The following ZNF438 variants were observed in gnomAD, a reference collection of about 807,000 sequenced individuals.
ZNF438 encodes the protein zinc finger protein 438.
Under a neutral mutation model 38.0 loss-of-function variants are expected in ZNF438, and 25 were observed. The observed-to-expected ratio is 0.66, with a 90% confidence interval of 0.48 to 0.92. The LOEUF is 0.92. Ranked by LOEUF, ZNF438 falls within the 40% of genes least tolerant of loss-of-function variation. The pLI, the probability that ZNF438 is intolerant of heterozygous loss-of-function variation, is 0.00. For synonymous variants in ZNF438, 372 were observed against 364.1 expected, an observed-to-expected ratio of 1.02 and a Z score of -0.25; for missense variants, 1,007 against 999.6, an observed-to-expected ratio of 1.01 and a Z score of -0.10.
At chr10:30,898,902 T>A (rs953938636) in intron 3 of ZNF438, among the ~76,000 whole-genome samples, 1 of 152,194 alleles carries the variant, frequency 6.6e-6, no homozygotes, top group Non-Finnish European at 1.5e-5. Flanking sequence ...CTCAATACTT[T>A]TTCTAAACTC....
intron 1 of ZNF438, among the ~76,000 whole-genome samples, chr10:31,014,860 G>GTATA (rs3054683): frequency 6.7e-6 from 1 of 149,458 alleles, no homozygotes. Flanking sequence ...GTGTGTGTGT[G>GTATA]TATATATATA....
rs2049791416 is a variant in ZNF438, at chr10:30,963,671, G to A, written c.-191-22020C>T. ...AGTGGATCACAAGGTCAGGAGTTCA[G>A]GAGTTTAAGACCAGCCCGGCCAAGA... On this transcript the variant is annotated intron_variant, in intron 1 of 5. Coordinates refer to ENST00000413025, the Ensembl canonical transcript of ZNF438. Among the ~76,000 whole-genome samples, 3 of 152,116 alleles carry A rather than the reference G, an allele frequency of 2.0e-5. No individual in the cohort carries two copies. In the South Asian group the frequency reaches 6.2e-4, roughly 32 times the overall value.
intron 2 of ZNF438, chr10:30,923,519 T>A (rs2044562352): frequency 6.6e-6 from 1 of 152,226 alleles, no homozygotes; most frequent in Admixed American, 6.5e-5. Context: ...ACTTTCCATC[T>A]TTTTCATATG....
intron 1 of ZNF438, among the ~76,000 whole-genome samples, chr10:30,970,123 C>G (rs1231158205): frequency 6.6e-6 from 1 of 151,482 alleles, no homozygotes; most frequent in East Asian, 1.9e-4. Context: ...CACACACACA[C>G]ACACACACAC....
At chr10:30,884,005 G>C (rs1175086425) in intron 3 of ZNF438, among the ~76,000 whole-genome samples, 1 of 152,102 alleles carries the variant, frequency 6.6e-6, no homozygotes, top group African/African-American at 2.4e-5. Flanking sequence ...GCATTAAAGT[G>C]CTACATAATC....
At chr10:30,931,815 C>A (rs921767374) in intron 2 of ZNF438, among the ~76,000 whole-genome samples, 1 of 152,124 alleles carries the variant, frequency 6.6e-6, no homozygotes, top group African/African-American at 2.4e-5. Context: ...TATGTAAAGT[C>A]TATGTGGAAA....
At chr10:30,860,358 A>C (rs1227557998) in intron 4 of ZNF438, among the ~76,000 whole-genome samples, 1 of 152,202 alleles carries the variant, frequency 6.6e-6, no homozygotes, top group Non-Finnish European at 1.5e-5. Context: ...CCTCAGCATG[A>C]AAACGGACAG....
intron 1 of ZNF438, among the ~76,000 whole-genome samples, chr10:30,961,448 A>C (rs986965871): frequency 6.8e-6 from 1 of 146,014 alleles, no homozygotes; most frequent in Non-Finnish European, 1.6e-5. Flanking sequence ...GGTGTGCACA[A>C]CTGTGCCTGG....
chr10:30,872,407 C>A, intron 4 of ZNF438, among the ~76,000 whole-genome samples: 2 of 116,260 alleles, frequency 1.7e-5, no homozygotes, highest in African/African-American at 2.9e-5. Flanking sequence ...GCCTGGGTGA[C>A]AGAACAAGAC....
chr10:30,889,252 T>A (rs568602966), intron 3 of ZNF438, among the ~76,000 whole-genome samples: 1 of 152,336 alleles, frequency 6.6e-6, no homozygotes, highest in East Asian at 1.9e-4. Flanking sequence ...GAGCTAAAAC[T>A]TAATCTACAG....
intron 2 of ZNF438, among the ~76,000 whole-genome samples, chr10:30,929,625 G>C (rs964617267): frequency 6.6e-6 from 1 of 152,196 alleles, no homozygotes; most frequent in Non-Finnish European, 1.5e-5. Context: ...TGCTGGCTGC[G>C]GTAGCCTGCT....
intron 4 of ZNF438, among the ~76,000 whole-genome samples, chr10:30,860,206 A>G (rs1196772253): frequency 6.6e-6 from 1 of 152,214 alleles, no homozygotes; most frequent in Non-Finnish European, 1.5e-5. Flanking sequence ...TCATACCCAG[A>G]AGGAAGGGAT....
chr10:30,978,014 G>T (rs1255936546), intron 1 of ZNF438, among the ~76,000 whole-genome samples: 1 of 151,876 alleles, frequency 6.6e-6, no homozygotes, highest in East Asian at 1.9e-4. Flanking sequence ...AGGGACATTG[G>T]TATGTTGGTA....
chr10:30,878,980 T>C (rs1245064876), intron 3 of ZNF438, among the ~76,000 whole-genome samples: 6 of 152,100 alleles, frequency 3.9e-5, no homozygotes, highest in South Asian at 2.1e-4. Flanking sequence ...ATGAGCCCTA[T>C]TGAAACAACT....
intron 1 of ZNF438, among the ~76,000 whole-genome samples, chr10:31,013,041 C>T (rs190359282): frequency 8.5e-5 from 13 of 152,188 alleles, no homozygotes; most frequent in African/African-American, 2.4e-4. Flanking sequence ...CCAACTGGGC[C>T]GGGCGCGGTG....
At chr10:30,900,806 C>T (rs1776642562) in intron 3 of ZNF438, among the ~76,000 whole-genome samples, 1 of 152,102 alleles carries the variant, frequency 6.6e-6, no homozygotes, top group Non-Finnish European at 1.5e-5. Context: ...TAATAAAAAG[C>T]TAATTTTTAA....
chr10:31,029,099 C>G (rs1467963435), intron 1 of ZNF438, among the ~76,000 whole-genome samples: 1 of 152,240 alleles, frequency 6.6e-6, no homozygotes, highest in Admixed American at 6.5e-5. Context: ...GGATTCAATG[C>G]ATGGACTCCA....
At chr10:30,980,724 G>A (rs577397002) in intron 1 of ZNF438, among the ~76,000 whole-genome samples, 11 of 152,272 alleles carry the variant, frequency 7.2e-5, no homozygotes, top group Middle Eastern at 3.4e-3. Flanking sequence ...ATATGAGATC[G>A]TGTGGAAAAT....
intron 1 of ZNF438, among the ~76,000 whole-genome samples, chr10:30,989,483 C>T (rs16932090): frequency 0.012 from 1,761 of 152,270 alleles, 30 homozygotes; most frequent in African/African-American, 0.039. Context: ...ACCCAATAAC[C>T]CTGACCCTTA....
Sources: allele counts gnomAD v4.1 joint callset (sites outside exome capture counted in the v4.1 genomes callset), GRCh38; gene constraint gnomAD v4.1.1; transcripts MANE v1.5; gene names NCBI Gene and HGNC (gene_info 2026-07-23, HGNC 2026-07-21).